EML2: variants seen among roughly 807,000 people sequenced by gnomAD.
The protein encoded by EML2 is echinoderm microtubule-associated protein-like 2.
In EML2, 59 loss-of-function variants were observed where a neutral mutation model predicts 84.7. The observed-to-expected ratio is 0.70, with a 90% CI of 0.56 to 0.86. The LOEUF is 0.86. Ranked by LOEUF, EML2 falls within the 40% of genes least tolerant of loss-of-function variation. EML2 has a pLI of 0.00. For missense variants in EML2, 818 were observed against 855.6 expected (o/e 0.96, Z 0.55); for synonymous variants, 352 against 348.9 (o/e 1.01, Z -0.10).
upstream of EML2, chr19:45,644,689 C>T (rs1974895253): frequency 2.2e-6 from 1 of 456,026 alleles, no homozygotes; most frequent in Non-Finnish European, 4.4e-6. Flanking sequence ...CAACTCCCCT[C>T]TTCTCCTATC....
rs559882565 is a variant in EML2 at position 45,629,848 on chromosome 19, A to G, written c.606+103T>C. The G allele has an allele frequency of 3.4e-5, 31 of 913,062 alleles. No individual in the cohort carries two copies. The African/African-American group carries it at 4.7e-4, about 14-fold the overall frequency. The allele number at this position is 913,062 out of a possible 1,614,324, so 56.6% of individuals were successfully genotyped here. ...CACACAGCCAGCAAGGAGTAAAGCC[A>G]GGGCTTAAACACGGGTCTATCTGAT... On this transcript the variant is annotated intron_variant, in intron 7 of 18. Transcript: ENST00000245925.
upstream of EML2, chr19:45,642,359 G>A (rs1365083401): frequency 6.5e-7 from 1 of 1,528,198 alleles, no homozygotes; most frequent in South Asian, 1.2e-5. Flanking sequence ...TCATCTGGAA[G>A]ACGGGGGAGT....
upstream of EML2, chr19:45,639,913 G>C (rs972874302): frequency 6.6e-6 from 1 of 152,150 alleles, no homozygotes; most frequent in African/African-American, 2.4e-5. Flanking sequence ...AAAATCATTC[G>C]AACTCGGGAG....
Position 45,634,500 on chromosome 19 carries a change from ATG to A in EML2, c.180-31_180-30del, listed in dbSNP as rs1600199896. The stretch of plus-strand genomic sequence containing the variant: ...GAGCCACCCAGGGGCTGGTTAAGGA[ATG>A]TGTTTTGTTGTTGTTGTTTGTTTGT... On this transcript the variant is annotated intron_variant, in intron 3 of 18. Coordinates refer to ENST00000245925, the MANE Select transcript of EML2 (RefSeq NM_012155.4). The A allele has an allele frequency of 4.4e-6, 7 of 1,578,276 alleles. No homozygotes were observed. In the Middle Eastern group the frequency reaches 7.0e-4, roughly 157 times the overall value.
At chr19:45,616,732 C>G (rs773933686) in intron 14 of EML2, 33 bp downstream of exon 14, 2 of 1,596,654 alleles carry the variant, frequency 1.3e-6, no homozygotes, top group Non-Finnish European at 1.7e-6. Flanking sequence ...TCCCCTGGCC[C>G]TGCCGCTTGG....
intron 16 of EML2, 157 bp from the exon 17 acceptor site, chr19:45,614,857 C>A: frequency 1.6e-6 from 1 of 617,868 alleles, no homozygotes; most frequent in Non-Finnish European, 2.9e-6. Context: ...GCATCACATG[C>A]TGGGGTCTTC....
At position 45,616,564 on chromosome 19, in the gene EML2, G is replaced by T; in HGVS notation, c.1412-6C>A. The stretch of plus-strand genomic sequence containing the variant: ...CACGGCCAGGTACGCCCCGTCTGGG[G>T]GAGGGGGAGGGGGGCTATGAGGAGG... On this transcript the variant is annotated splice_polypyrimidine_tract_variant and splice_region_variant and intron_variant, in intron 14 of 18. Transcript: ENST00000245925. The T allele has an allele frequency of 6.2e-7, 1 of 1,604,136 alleles. No homozygotes were observed. Among genetic ancestry groups the T allele is most frequent in the Non-Finnish European group, 8.5e-7 (1 of 1,172,364 alleles).
intron 4 of EML2, 43 bp from the exon 5 acceptor site, chr19:45,633,182 G>GAAGA: frequency 6.3e-7 from 1 of 1,580,590 alleles, no homozygotes; most frequent in Non-Finnish European, 8.6e-7. Context: ...CAGTGGGAGA[G>GAAGA]AAGAGGCTCA....
chr19:45,624,791 A>T lies in EML2; in HGVS notation c.769T>A (p.Cys257Ser), dbSNP rs1035745407. The change falls in exon 9 of 19, where the codon TGT becomes AGT. Residue 257 changes from cysteine to serine, a missense_variant. Transcript: ENST00000245925. The stretch of plus-strand genomic sequence containing the variant: ...TCGCCACCTTCCAAAAAGGTCACAC[A>T]CAGCACATACTTCGGTTTCTCATGT... ...EKHEKPKYVL[C>S]VTFLEGGDVV... 6 of 1,613,582 alleles carry T rather than the reference A, an allele frequency of 3.7e-6. No homozygotes were observed. The highest frequency in any genetic ancestry group is 1.7e-5 in the Admixed American group (1 of 59,888).
At chr19:45,624,147 A>G (rs1269177722) in intron 9 of EML2, among the ~76,000 whole-genome samples, 1 of 152,220 alleles carries the variant, frequency 6.6e-6, no homozygotes, top group African/African-American at 2.4e-5. Context: ...ACAACCATTC[A>G]TTCATTCACT....
At chr19:45,641,409 C>T, upstream of EML2, 1 of 519,092 alleles carries the variant, frequency 1.9e-6, no homozygotes, top group Non-Finnish European at 3.5e-6. Flanking sequence ...ACCTGACCGT[C>T]CAGCTTCTAA....
chr19:45,644,305 G>T (rs145569988), upstream of EML2, among the ~76,000 whole-genome samples: 64 of 152,100 alleles, frequency 4.2e-4, no homozygotes, highest in Non-Finnish European at 7.9e-4. Context: ...CTTGTTACAC[G>T]GACACACAGC....
chr19:45,635,539 C>T lies in EML2; in HGVS notation c.180-1068G>A, dbSNP rs116772448. On this transcript the variant is annotated intron_variant, in intron 3 of 18. Transcript: ENST00000245925. ...TTTCCACTCTCACCCCTGTAGTGGG[C>T]TGATGGTCCCCTCCCACTCCAAAAA... Among the ~76,000 whole-genome samples the T allele has an allele frequency of 2.7e-3, 404 of 148,132 alleles. 4 individuals carry two copies. The highest frequency in any genetic ancestry group is 9.3e-3 in the African/African-American group (372 of 40,186).
chr19:45,626,380 C>CTTTTTTT (rs35850853), intron 8 of EML2, among the ~76,000 whole-genome samples: 5 of 79,434 alleles, frequency 6.3e-5, no homozygotes, highest in African/African-American at 2.8e-4. Flanking sequence ...ATCCTCACAA[C>CTTTTTTT]TTTTTTTTTT....
intron 3 of EML2, 88 bp downstream of exon 3, chr19:45,638,417 T>G: frequency 6.9e-6 from 11 of 1,584,042 alleles, no homozygotes; most frequent in Non-Finnish European, 9.5e-6. Flanking sequence ...CCCAAAGTGC[T>G]GAGATTACAG....
intron 6 of EML2, among the ~76,000 whole-genome samples, chr19:45,631,207 T>C (rs1333018912): frequency 6.6e-6 from 1 of 152,078 alleles, no homozygotes; most frequent in Non-Finnish European, 1.5e-5. Context: ...CAAGGTTTTA[T>C]TTTCTTCTCC....
chr19:45,642,441 G>T (rs886941360), upstream of EML2: 29 of 1,470,296 alleles, frequency 2.0e-5, no homozygotes, highest in Middle Eastern at 5.3e-4. Context: ...CTAAGCGGGG[G>T]GCCAGCCACG....
chr19:45,627,381 A>G (rs1972493786), intron 7 of EML2, among the ~76,000 whole-genome samples: 2 of 151,562 alleles, frequency 1.3e-5, no homozygotes, highest in South Asian at 4.2e-4. Context: ...CAGCCTCCCA[A>G]ATAGCTAGAT....
Position 45,629,941 on chromosome 19 carries a change from G to A in EML2, c.606+10C>T, listed in dbSNP as rs759979435. 3 of 1,610,136 alleles carry A rather than the reference G, an allele frequency of 1.9e-6. No homozygotes were observed. In the South Asian group the frequency reaches 3.3e-5, roughly 18 times the overall value. On this transcript the variant is annotated intron_variant, in intron 7 of 18. Coordinates refer to ENST00000245925, the MANE Select transcript of EML2 (RefSeq NM_012155.4). ...CACCCAGCAGGAGGGGATGAGAAAA[G>A]TCACCTCACCTTGACATCCACCACC...
Sources: allele counts gnomAD v4.1 joint callset (sites outside exome capture counted in the v4.1 genomes callset), GRCh38; gene constraint gnomAD v4.1.1; transcripts MANE v1.5; gene names NCBI Gene and HGNC (gene_info 2026-07-23, HGNC 2026-07-21).